The following WFDC5 variants were observed in gnomAD, a reference collection of about 807,000 sequenced individuals.
The protein encoded by WFDC5 is WAP four-disulfide core domain protein 5.
A neutral mutation model predicts 15.7 loss-of-function variants in WFDC5; 15 were observed. The observed-to-expected ratio is 0.96, with a 90% CI of 0.64 to 1.47. WFDC5 has a LOEUF of 1.47. Ranked by LOEUF, WFDC5 falls within the 40% of genes most tolerant of loss-of-function variation. The probability of loss-of-function intolerance (pLI) is 0.00; values close to 1 mark genes in which losing one functional copy is unlikely to be tolerated. For synonymous variants in WFDC5, 109 were observed against 107.7 expected (o/e 1.01, Z -0.07); for missense variants, 280 against 258.0 (o/e 1.09, Z -0.59).
chr20:45,115,167 G>T, upstream of WFDC5: 1 of 1,328,650 alleles, frequency 7.5e-7, no homozygotes, highest in Non-Finnish European at 1.0e-6. Flanking sequence ...AGTCAGGAGA[G>T]GAAAGAGAGG....
intron 1 of WFDC5, among the ~76,000 whole-genome samples, chr20:45,113,197 G>A (rs1234920670): frequency 6.6e-6 from 1 of 152,200 alleles, no homozygotes; most frequent in Admixed American, 6.5e-5. Context: ...ACACCCAGAC[G>A]TTTGAGTGAG....
exon 4 of WFDC5, chr20:45,109,522 G>T: frequency 1.8e-6 from 1 of 540,552 alleles, no homozygotes; most frequent in Non-Finnish European, 3.3e-6. Flanking sequence ...AAAACATTAA[G>T]TAAATGGTGG....
chr20:45,115,070 C>T (rs747631886), exon 1 of WFDC5: 2 of 1,613,156 alleles, frequency 1.2e-6, no homozygotes, highest in Admixed American at 3.3e-5. Flanking sequence ...GAGGAGAAGG[C>T]TCTGGGTCCT....
exon 4 of WFDC5, chr20:45,109,540 A>G: frequency 1.7e-6 from 1 of 572,606 alleles, no homozygotes; most frequent in South Asian, 2.5e-5. Context: ...TGGTACAGGC[A>G]GCGTGCAACC....
In WFDC5 at chr20:45,109,873, C is replaced by T; in HGVS notation, c.534G>A (p.Trp178Ter). The T allele has an allele frequency of 7.9e-7, 1 of 1,258,198 alleles. No individual in the cohort carries two copies. Among genetic ancestry groups the T allele is most frequent in the Non-Finnish European group, 1.2e-6 (1 of 860,980 alleles). The allele number at this position is 1,258,198 out of a possible 1,614,324, so 77.9% of individuals were successfully genotyped here. The stretch of plus-strand genomic sequence containing the variant: ...TGGGTTGCAGGGAAGTGTCAGCAGG[C>T]CAGTGATTATCAGAAGGCTGGAACC... Residue 178 changes from tryptophan (W) to a stop codon, truncating the protein, a stop_gained, in exon 4 of 4, where the codon TGG becomes TGA. Transcript: ENST00000307971. LOFTEE classifies it low-confidence loss of function (END_TRUNC).
exon 3 of WFDC5, chr20:45,110,504 C>T: frequency 6.2e-7 from 1 of 1,614,192 alleles, no homozygotes; most frequent in Non-Finnish European, 8.5e-7. Context: ...GGGGCTGAGG[C>T]AGCGCAGTTG....
In WFDC5 at chr20:45,113,484, T is replaced by G. The variant is rs568525157; in HGVS notation, c.85+1515A>C. Among the ~76,000 whole-genome samples the G allele has an allele frequency of 3.3e-5, 5 of 152,342 alleles. No individual in the cohort carries two copies. The East Asian group carries it at 9.6e-4, about 29-fold the overall frequency. On this transcript the variant is annotated intron_variant, in intron 1 of 3. Coordinates refer to ENST00000307971, the Ensembl canonical transcript of WFDC5. ...TGCCTCTGAGCAGCTGGGCTGAATA[T>G]TGGGGTGTGCTCCCTGGGAACACAA...
intron 1 of WFDC5, among the ~76,000 whole-genome samples, chr20:45,113,002 T>C (rs1211202113): frequency 6.6e-6 from 1 of 152,136 alleles, no homozygotes; most frequent in African/African-American, 2.4e-5. Context: ...TATATAAATA[T>C]ATAAATATAT....
In WFDC5 at chr20:45,112,171, G is replaced by A. The variant is rs186942223; in HGVS notation, c.86-1396C>T. Among the ~76,000 whole-genome samples the A allele has an allele frequency of 1.9e-3, 289 of 152,254 alleles. 1 individual carries two copies. The highest frequency in any genetic ancestry group is 6.5e-3 in the African/African-American group (269 of 41,542). On this transcript the variant is annotated intron_variant, in intron 1 of 3. Transcript: ENST00000307971. ...GAAAAAGTGTGGGTTTGGGGTGGTG[G>A]GGGTGATGGGAGGGTTCCTGGGAAA...
chr20:45,112,970 C>A (rs2044295633), intron 1 of WFDC5, among the ~76,000 whole-genome samples: 1 of 152,126 alleles, frequency 6.6e-6, no homozygotes, highest in Non-Finnish European at 1.5e-5. Flanking sequence ...CACAGATAGA[C>A]ACTCAGACAC....
intron 1 of WFDC5, among the ~76,000 whole-genome samples, chr20:45,112,493 C>T (rs1981649160): frequency 6.6e-6 from 1 of 152,178 alleles, no homozygotes; most frequent in African/African-American, 2.4e-5. Context: ...TGGTCACACT[C>T]ACTCTGTTTG....
intron 1 of WFDC5, among the ~76,000 whole-genome samples, chr20:45,112,135 G>A (rs1200338576): frequency 1.3e-5 from 2 of 152,078 alleles, no homozygotes; most frequent in Admixed American, 6.5e-5. Context: ...GAGGCTTGGC[G>A]TGGGGAGGGG....
intron 3 of WFDC5, 48 bp downstream of exon 3, chr20:45,110,352 T>G (rs778242335): frequency 1.3e-6 from 2 of 1,555,512 alleles, no homozygotes; most frequent in Non-Finnish European, 1.7e-6. Context: ...GTATTAGAGC[T>G]GGGCTCGGAG....
At chr20:45,111,143 G>T (rs1013386587) in intron 1 of WFDC5, among the ~76,000 whole-genome samples, 1 of 152,178 alleles carries the variant, frequency 6.6e-6, no homozygotes, top group African/African-American at 2.4e-5. Context: ...TCTCTGCAGG[G>T]CTCTTGCTCG....
At chr20:45,110,314 T>G in intron 3 of WFDC5, 86 bp downstream of exon 3, 1 of 1,529,270 alleles carries the variant, frequency 6.5e-7, no homozygotes, top group Non-Finnish European at 8.8e-7. Context: ...TGGGGAGGCA[T>G]CCTGTTAAGC....
At chr20:45,110,757 G>A (rs562637506) in exon 2 of WFDC5, 9 of 1,614,106 alleles carry the variant, frequency 5.6e-6, no homozygotes, top group East Asian at 2.2e-5. Context: ...ATCATCTGGC[G>A]GGCAGCCCCC....
chr20:45,110,819 G>C, intron 1 of WFDC5, 44 bp from the exon 2 acceptor site: 1 of 1,610,300 alleles, frequency 6.2e-7, no homozygotes, highest in South Asian at 1.1e-5. Flanking sequence ...GAAGCTCACG[G>C]TTATGTAATA....
In WFDC5 at chr20:45,110,557, T is replaced by C. The variant is rs762544995; in HGVS notation, c.227-17A>G. 2.5e-6 allele frequency: 4 copies of C among 1,614,034 alleles called. No individual in the cohort carries two copies. In the African/African-American group the frequency reaches 5.3e-5, roughly 22 times the overall value. On this transcript the variant is annotated splice_polypyrimidine_tract_variant and intron_variant, in intron 2 of 3. Transcript: ENST00000307971. ...CCAGCTTCACTGCAACACAGGGAAC[T>C]GGGTGAGCTCCGTCCTTGCCCACTG...
At chr20:45,110,930 C>T (rs998010108) in intron 1 of WFDC5, among the ~76,000 whole-genome samples, 155 bp from the exon 2 acceptor site, 1 of 152,190 alleles carries the variant, frequency 6.6e-6, no homozygotes, top group East Asian at 1.9e-4. Flanking sequence ...TTTATAATGA[C>T]TCCAAGCCTC....
Sources: gnomAD v4.1 joint callset for allele counts (sites outside exome capture counted in the v4.1 genomes callset) on GRCh38, gnomAD v4.1.1 for gene constraint, MANE v1.5 for transcripts, NCBI Gene and HGNC (gene_info 2026-07-23, HGNC 2026-07-21) for gene names.